The following WIF1 variants were observed in gnomAD, a reference collection of about 807,000 sequenced individuals.
WIF1 encodes Wnt inhibitory factor 1.
Under a neutral mutation model 53.5 loss-of-function variants are expected in WIF1, and 35 were observed. The observed-to-expected ratio is 0.65, with a 90% CI of 0.50 to 0.87. The LOEUF (loss-of-function observed/expected upper bound fraction) is 0.87. WIF1 is among the 40% of genes least tolerant of loss of function. The pLI is 0.00. For missense variants in WIF1, 467 were observed against 476.8 expected, an observed-to-expected ratio of 0.98 and a Z score of 0.19; for synonymous variants, 171 against 170.4, an observed-to-expected ratio of 1.00 and a Z score of -0.03.
At chr12:65,068,649 ATGTGTGTGTGTGTGTGTGTG>A in intron 4 of WIF1, 95 bp downstream of exon 4, 5 of 1,005,320 alleles carry the variant, frequency 5.0e-6, no homozygotes, top group East Asian at 5.4e-5. Flanking sequence ...CCAAAAAACC[ATGTGTGTGTGTGTGTGTGTG>A]TGTGTGTGTG....
chr12:65,056,562 G>A (rs966375559), intron 7 of WIF1, among the ~76,000 whole-genome samples: 1 of 151,368 alleles, frequency 6.6e-6, no homozygotes, highest in African/African-American at 2.4e-5. Flanking sequence ...TCTTTTAACT[G>A]ACTCACAAAT....
At chr12:65,088,769 C>T (rs1312059618) in intron 2 of WIF1, among the ~76,000 whole-genome samples, 2 of 152,102 alleles carry the variant, frequency 1.3e-5, no homozygotes, top group East Asian at 3.9e-4. Flanking sequence ...GTCACCTTCA[C>T]ATGCTCTTCT....
intron 3 of WIF1, among the ~76,000 whole-genome samples, chr12:65,076,632 C>T (rs1309426753): frequency 6.6e-6 from 1 of 152,058 alleles, no homozygotes; most frequent in Non-Finnish European, 1.5e-5. Flanking sequence ...TTTCTGAATA[C>T]CTGTTCTGTG....
At chr12:65,065,582 C>A (rs1164517691) in intron 6 of WIF1, among the ~76,000 whole-genome samples, 7 of 152,020 alleles carry the variant, frequency 4.6e-5, no homozygotes, top group African/African-American at 1.7e-4. Flanking sequence ...TAAAAAACAA[C>A]AACAACAACA....
intron 2 of WIF1, among the ~76,000 whole-genome samples, chr12:65,117,200 T>C (rs748451171): frequency 3.3e-5 from 5 of 152,182 alleles, no homozygotes; most frequent in Non-Finnish European, 5.9e-5. Flanking sequence ...ATATCCATGC[T>C]TATTTCCTTG....
intron 2 of WIF1, among the ~76,000 whole-genome samples, chr12:65,105,642 C>A (rs995626976): frequency 3.3e-5 from 5 of 152,088 alleles, no homozygotes; most frequent in African/African-American, 4.8e-5. Flanking sequence ...GCTGAGAAGG[C>A]TTGACCCACT....
chr12:65,120,039 T>C (rs1883576928), intron 2 of WIF1, among the ~76,000 whole-genome samples: 1 of 152,214 alleles, frequency 6.6e-6, no homozygotes, highest in Admixed American at 6.5e-5. Flanking sequence ...AAATTTGTTG[T>C]AAAGTATGAA....
chr12:65,121,255 G>T lies in WIF1; in HGVS notation c.-64C>A. 2.2e-6 allele frequency: 3 copies of T among 1,375,000 alleles called. No homozygotes were observed. The highest frequency in any genetic ancestry group is 1.9e-6 in the Non-Finnish European group (2 of 1,056,458). 85.2% of individuals were successfully genotyped at this position (1,375,000 alleles called of 1,614,324 possible). ...TGCCGCACCTACGCAACCTGGCGCC[G>T]TCAGATACTCTGCTGCGCTGCAGCT... is the stretch of plus-strand genomic sequence containing the variant. On this transcript the variant is annotated 5_prime_UTR_variant, in exon 1 of 10. Coordinates refer to ENST00000286574, the MANE Select transcript of WIF1 (RefSeq NM_007191.5).
At chr12:65,088,336 T>TC (rs571065087) in intron 2 of WIF1, among the ~76,000 whole-genome samples, 6 of 151,766 alleles carry the variant, frequency 4.0e-5, no homozygotes, top group African/African-American at 1.2e-4. Flanking sequence ...CCTCTCAACA[T>TC]CCCCCCCATC....
chr12:65,092,144 A>T (rs1423577162), intron 2 of WIF1, among the ~76,000 whole-genome samples: 1 of 152,060 alleles, frequency 6.6e-6, no homozygotes, highest in African/African-American at 2.4e-5. Context: ...AGGGACATGG[A>T]TGAAGTTGGA....
intron 2 of WIF1, among the ~76,000 whole-genome samples, chr12:65,107,377 CACT>C (rs1883366446): frequency 6.6e-6 from 1 of 152,204 alleles, no homozygotes; most frequent in African/African-American, 2.4e-5. Context: ...GTAATCCCAC[CACT>C]TTGGGAGGCC....
chr12:65,061,785 T>C lies in WIF1; in HGVS notation c.826+696A>G, dbSNP rs182052119. Among the ~76,000 whole-genome samples, 704 of 152,366 alleles carry C rather than the reference T, an allele frequency of 4.6e-3. 7 individuals carry two copies. Among genetic ancestry groups the C allele is most frequent in the African/African-American group, 0.016 (682 of 41,582 alleles). ...ATTTACATAAACAGATGTGTGGCAC[T>C]TCACCAATCAAGATACTTAGCATTC... On this transcript the variant is annotated intron_variant, in intron 7 of 9. Coordinates refer to ENST00000286574, the MANE Select transcript of WIF1 (RefSeq NM_007191.5).
intron 3 of WIF1, among the ~76,000 whole-genome samples, chr12:65,074,817 CAAAAAAAAAA>C (rs758690202): frequency 9.0e-5 from 5 of 55,452 alleles, no homozygotes; most frequent in African/African-American, 2.8e-4. Context: ...CACTCTGTCT[CAAAAAAAAAA>C]AAAAAAAAAA....
In WIF1 at chr12:65,051,408, G is replaced by A. The variant is rs61761621; in HGVS notation, c.1081C>T (p.Pro361Ser). The change falls in exon 10 of 10, where the codon CCT becomes TCT. Residue 361 changes from proline to serine, a missense_variant. By Grantham distance (74) the Pro-to-Ser change is moderately conservative. Coordinates refer to ENST00000286574, the MANE Select transcript of WIF1 (RefSeq NM_007191.5). ...CGCTCCTCGGCCTTTTTAAGTGAAG[G>A]CGTGTGCTGCCTGAGCTGGGCGCCT... ...PAGAQLRQHT[P>S]SLKKAEERRD... The A allele has an allele frequency of 2.5e-6, 4 of 1,613,738 alleles. No individual in the cohort carries two copies. The highest frequency in any genetic ancestry group is 1.1e-5 in the South Asian group (1 of 91,016).
At chr12:65,075,919 G>A (rs1032949606) in intron 3 of WIF1, among the ~76,000 whole-genome samples, 2 of 152,126 alleles carry the variant, frequency 1.3e-5, no homozygotes, top group African/African-American at 2.4e-5. Context: ...ATATAAAAAT[G>A]AGCATGGTAC....
chr12:65,120,680 T>G, intron 1 of WIF1, 124 bp from the exon 2 acceptor site: 1 of 1,114,854 alleles, frequency 9.0e-7, no homozygotes, highest in Non-Finnish European at 1.3e-6. Context: ...GCATCTGCCT[T>G]CAGTACCATC....
intron 2 of WIF1, among the ~76,000 whole-genome samples, chr12:65,097,614 ACT>A (rs1469025668): frequency 1.3e-5 from 2 of 151,650 alleles, no homozygotes; most frequent in African/African-American, 4.8e-5. Flanking sequence ...TACTTTTCTC[ACT>A]CCCAAGTCTT....
Position 65,051,051 on chromosome 12 carries a change from G to C in WIF1, c.*298C>G, listed in dbSNP as rs541083157. On this transcript the variant is annotated 3_prime_UTR_variant, in exon 10 of 10. Coordinates refer to ENST00000286574, the MANE Select transcript of WIF1 (RefSeq NM_007191.5). ...TCCCCTGCCCCCAGACACCATAAAT[G>C]CATTGTAATTTTGAAAATATCTGCC... is the stretch of plus-strand genomic sequence containing the variant. 1.5e-4 allele frequency: 41 copies of C among 272,566 alleles called. No individual in the cohort carries two copies. The highest frequency in any genetic ancestry group is 2.0e-3 in the Middle Eastern group (2 of 976). The allele number at this position is 272,566 out of a possible 1,614,324, so 16.9% of individuals were successfully genotyped here.
intron 2 of WIF1, among the ~76,000 whole-genome samples, chr12:65,085,772 T>C (rs749232045): frequency 3.9e-5 from 6 of 152,230 alleles, no homozygotes; most frequent in Admixed American, 2.6e-4. Context: ...AATGGTGATA[T>C]TAAAACTTGA....
Sources: gnomAD v4.1 joint callset for allele counts (sites outside exome capture counted in the v4.1 genomes callset) on GRCh38, gnomAD v4.1.1 for gene constraint, MANE v1.5 for transcripts, NCBI Gene and HGNC (gene_info 2026-07-23, HGNC 2026-07-21) for gene names.